Variants in IQCM observed in about 807,000 individuals in gnomAD.
IQCM encodes IQ domain-containing protein M.
A neutral mutation model predicts 57.6 loss-of-function variants in IQCM; 45 were observed. That is an observed-to-expected ratio of 0.78 (90% confidence interval 0.62 to 1.00). The LOEUF is 1.00. Ranked by LOEUF, IQCM falls within the 50% of genes least tolerant of loss-of-function variation. The pLI is 0.00. For missense variants in IQCM, 468 were observed against 511.6 expected (o/e 0.91, Z 0.82); for synonymous variants, 148 against 158.9 (o/e 0.93, Z 0.51).
At chr4:149,407,407 A>G (rs959883816) in intron 13 of IQCM, among the ~76,000 whole-genome samples, 2 of 152,134 alleles carry the variant, frequency 1.3e-5, no homozygotes, top group Non-Finnish European at 2.9e-5. Context: ...CTGGGCTTTT[A>G]GTGTACATTG....
At chr4:149,563,150 T>G (rs138960167) in intron 10 of IQCM, among the ~76,000 whole-genome samples, 8 of 152,304 alleles carry the variant, frequency 5.3e-5, no homozygotes, top group African/African-American at 1.4e-4. Context: ...TATTTGTATA[T>G]GTGTGTAATT....
intron 9 of IQCM, among the ~76,000 whole-genome samples, chr4:149,585,686 T>C (rs967150684): frequency 6.6e-6 from 1 of 151,652 alleles, no homozygotes; most frequent in African/African-American, 2.4e-5. Context: ...TCTTAAGTAA[T>C]CATCAGAAAG....
chr4:149,526,308 C>T (rs1332492940), intron 12 of IQCM, among the ~76,000 whole-genome samples: 4 of 151,896 alleles, frequency 2.6e-5, no homozygotes, highest in Admixed American at 6.6e-5. Context: ...TATCATGGAA[C>T]ATTATGAAGA....
intron 9 of IQCM, among the ~76,000 whole-genome samples, chr4:149,586,126 A>G (rs534137271): frequency 6.6e-6 from 1 of 151,828 alleles, no homozygotes; most frequent in South Asian, 2.1e-4. Context: ...CAAATTAACC[A>G]GGTAAAGAAT....
chr4:149,657,299 AATATGATGTCCTTGAGTTTCATTC>A (rs1759725810), intron 7 of IQCM, among the ~76,000 whole-genome samples: 1 of 152,148 alleles, frequency 6.6e-6, no homozygotes, highest in African/African-American at 2.4e-5. Context: ...TGTTTCACTA[AATATGATGTCCTTGAGTTTCATTC>A]ATATTGTCAC....
chr4:149,566,840 G>C (rs1750681391), intron 9 of IQCM, among the ~76,000 whole-genome samples: 1 of 152,116 alleles, frequency 6.6e-6, no homozygotes, highest in Admixed American at 6.6e-5. Flanking sequence ...TAGAAGTCTT[G>C]ATGGAAAACA....
chr4:149,436,835 C>A (rs1157122828), intron 12 of IQCM, among the ~76,000 whole-genome samples: 1 of 152,066 alleles, frequency 6.6e-6, no homozygotes, highest in African/African-American at 2.4e-5. Context: ...GCCACATATG[C>A]AATATCTGAA....
chr4:149,483,532 G>C (rs1046631600), intron 12 of IQCM, among the ~76,000 whole-genome samples: 3 of 151,838 alleles, frequency 2.0e-5, no homozygotes, highest in Non-Finnish European at 4.4e-5. Flanking sequence ...TGGCCCACTA[G>C]TCATTAAGAG....
intron 8 of IQCM, among the ~76,000 whole-genome samples, chr4:149,602,124 C>T (rs1754368062): frequency 6.9e-6 from 1 of 144,858 alleles, no homozygotes; most frequent in African/African-American, 2.5e-5. Flanking sequence ...AAGGAAAAAA[C>T]AATACAGTAT....
chr4:149,758,911 A>AC (rs1769241014), intron 2 of IQCM, among the ~76,000 whole-genome samples: 1 of 152,098 alleles, frequency 6.6e-6, no homozygotes, highest in Non-Finnish European at 1.5e-5. Flanking sequence ...ACAAAACTAA[A>AC]CATGCTTTGA....
intron 12 of IQCM, among the ~76,000 whole-genome samples, chr4:149,543,487 C>T (rs1377286027): frequency 6.7e-6 from 1 of 148,974 alleles, no homozygotes; most frequent in East Asian, 2.0e-4. Context: ...CGATAGTTTA[C>T]TGAGAATGAT....
intron 4 of IQCM, among the ~76,000 whole-genome samples, chr4:149,733,906 A>G (rs1448084394): frequency 6.6e-6 from 1 of 152,222 alleles, no homozygotes; most frequent in Non-Finnish European, 1.5e-5. Flanking sequence ...TCAGATGTCC[A>G]TAAAATGCTA....
At chr4:149,363,170 A>G (rs1036849926) in intron 13 of IQCM, among the ~76,000 whole-genome samples, 4 of 152,168 alleles carry the variant, frequency 2.6e-5, no homozygotes, top group Non-Finnish European at 5.9e-5. Flanking sequence ...TAGGGTAGAA[A>G]TGTCAGGAGA....
intron 7 of IQCM, among the ~76,000 whole-genome samples, chr4:149,624,241 TAA>T (rs1756605701): frequency 6.6e-6 from 1 of 151,824 alleles, no homozygotes; most frequent in East Asian, 1.9e-4. Flanking sequence ...AACAAAACCA[TAA>T]GAGTGAAAGG....
At chr4:149,422,300 T>A (rs1734172698) in intron 13 of IQCM, among the ~76,000 whole-genome samples, 1 of 151,932 alleles carries the variant, frequency 6.6e-6, no homozygotes, top group Non-Finnish European at 1.5e-5. Flanking sequence ...AAATGCATGA[T>A]CAGAGCTTTC....
At chr4:149,506,487 A>G (rs1489741819) in intron 12 of IQCM, among the ~76,000 whole-genome samples, 1 of 152,210 alleles carries the variant, frequency 6.6e-6, no homozygotes, top group East Asian at 1.9e-4. Context: ...TGATACTATC[A>G]TTGTAAGTAA....
At chr4:149,626,658 A>C (rs1169766683) in intron 7 of IQCM, among the ~76,000 whole-genome samples, 1 of 152,082 alleles carries the variant, frequency 6.6e-6, no homozygotes, top group Admixed American at 6.6e-5. Flanking sequence ...CAAAAAAATA[A>C]TGACTTCTGG....
chr4:149,534,448 C>A (rs1258044944), intron 12 of IQCM, among the ~76,000 whole-genome samples: 1 of 152,104 alleles, frequency 6.6e-6, no homozygotes, highest in Non-Finnish European at 1.5e-5. Flanking sequence ...TCTGTGTTTA[C>A]TTCAAAAGAT....
chr4:149,629,198 T>C (rs952177001), intron 7 of IQCM, among the ~76,000 whole-genome samples: 2 of 152,184 alleles, frequency 1.3e-5, no homozygotes, highest in Non-Finnish European at 2.9e-5. Flanking sequence ...TCACAGTTTC[T>C]ATTCTGCATA....
Sources: gnomAD v4.1 joint callset for allele counts (sites outside exome capture counted in the v4.1 genomes callset) on GRCh38, gnomAD v4.1.1 for gene constraint, MANE v1.5 for transcripts, NCBI Gene and HGNC (gene_info 2026-07-23, HGNC 2026-07-21) for gene names.